The following SLC8A1 variants were observed in gnomAD, a reference collection of about 807,000 sequenced individuals.
The protein encoded by SLC8A1 is solute carrier family 8 member A1, also known as sodium/calcium exchanger 1.
SLC8A1 carries 18 observed loss-of-function variants against 68.3 expected under a neutral mutation model. The ratio of observed to expected loss-of-function variants is 0.26; its 90% CI spans 0.18 to 0.39. The LOEUF (loss-of-function observed/expected upper bound fraction) is 0.39. Among genes scored for constraint, SLC8A1 ranks in the 10% least tolerant of loss-of-function variants. The pLI is 1.00. For missense variants in SLC8A1, 985 were observed against 1,156.7 expected, an observed-to-expected ratio of 0.85 and a Z score of 2.15; for synonymous variants, 475 against 415.5, an observed-to-expected ratio of 1.14 and a Z score of -1.74.
chr2:40,122,618 G>A (rs1372983941), intron 7 of SLC8A1, among the ~76,000 whole-genome samples: 2 of 152,046 alleles, frequency 1.3e-5, no homozygotes, highest in African/African-American at 2.4e-5. Flanking sequence ...CTGCTTAATC[G>A]GCCTGAGATG....
At chr2:40,222,795 A>C (rs558752755) in intron 2 of SLC8A1, among the ~76,000 whole-genome samples, 1 of 152,260 alleles carries the variant, frequency 6.6e-6, no homozygotes, top group Non-Finnish European at 1.5e-5. Context: ...CATTAGAGAA[A>C]TGCAAATCAA....
At chr2:40,208,149 A>G (rs780188316) in intron 2 of SLC8A1, among the ~76,000 whole-genome samples, 9 of 152,128 alleles carry the variant, frequency 5.9e-5, no homozygotes, top group Non-Finnish European at 1.0e-4. Flanking sequence ...AAAGGGTGTT[A>G]GTAGTGTCCA....
chr2:40,321,186 A>G (rs1298943368), intron 2 of SLC8A1, among the ~76,000 whole-genome samples: 1 of 152,136 alleles, frequency 6.6e-6, no homozygotes, highest in Non-Finnish European at 1.5e-5. Flanking sequence ...TCTGTCGTAC[A>G]AATCCAACAG....
chr2:40,237,910 G>C lies in SLC8A1; in HGVS notation c.1809-60055C>G, dbSNP rs185070467. On this transcript the variant is annotated intron_variant, in intron 2 of 7. Transcript: ENST00000406785. ...CTGCTGGGGGGTGCCTCCCAGTTAG[G>C]CTGCTCGGGGGTCAGGGGTCAGGGA... is the stretch of plus-strand genomic sequence containing the variant. Among the ~76,000 whole-genome samples, 1,218 of 147,554 alleles carry C rather than the reference G, an allele frequency of 8.3e-3. 12 individuals carry two copies. Among genetic ancestry groups the C allele is most frequent in the African/African-American group, 0.029 (1,157 of 39,760 alleles).
At chr2:40,471,448 A>G (rs971200050) in intron 1 of SLC8A1, among the ~76,000 whole-genome samples, 1 of 152,146 alleles carries the variant, frequency 6.6e-6, no homozygotes, top group Non-Finnish European at 1.5e-5. Context: ...CTCATCCATC[A>G]ATGTCTAAAC....
intron 1 of SLC8A1, among the ~76,000 whole-genome samples, chr2:40,487,244 G>A (rs1483345385): frequency 1.3e-5 from 2 of 151,988 alleles, no homozygotes; most frequent in African/African-American, 4.8e-5. Context: ...GGTAAAATCG[G>A]TAAGATGTAG....
At chr2:40,462,623 C>G (rs1470947191) in intron 1 of SLC8A1, among the ~76,000 whole-genome samples, 1 of 151,310 alleles carries the variant, frequency 6.6e-6, no homozygotes. Flanking sequence ...GCCTGAGCAA[C>G]CTAGTGAGAA....
At chr2:40,361,912 T>G (rs1281023111) in intron 2 of SLC8A1, among the ~76,000 whole-genome samples, 1 of 132,900 alleles carries the variant, frequency 7.5e-6, no homozygotes, top group Non-Finnish European at 1.6e-5. Context: ...TTTTTTTTTT[T>G]TTTTTGGAGA....
intron 1 of SLC8A1, among the ~76,000 whole-genome samples, chr2:40,464,025 G>A (rs1233125423): frequency 2.0e-5 from 3 of 152,018 alleles, no homozygotes; most frequent in Non-Finnish European, 4.4e-5. Flanking sequence ...CTCCTGAGTA[G>A]CTGGGATTAC....
intron 2 of SLC8A1, among the ~76,000 whole-genome samples, chr2:40,210,590 G>A (rs2056405047): frequency 6.6e-6 from 1 of 152,182 alleles, no homozygotes; most frequent in Non-Finnish European, 1.5e-5. Flanking sequence ...GGCCCATTAA[G>A]TCATCTTAAA....
At chr2:40,428,737 A>C (rs1697545127) in exon 2 of SLC8A1, 1 of 1,613,740 alleles carries the variant, frequency 6.2e-7, no homozygotes, top group African/African-American at 1.3e-5. Context: ...AAGTGTAGAA[A>C]CATGATTGGC....
At chr2:40,204,993 A>G (rs558233971) in intron 2 of SLC8A1, among the ~76,000 whole-genome samples, 3 of 151,996 alleles carry the variant, frequency 2.0e-5, no homozygotes, top group African/African-American at 7.2e-5. Flanking sequence ...CTCATAATCT[A>G]TTTCAGGAGT....
chr2:40,221,098 A>G (rs1238591003), intron 2 of SLC8A1, among the ~76,000 whole-genome samples: 1 of 152,202 alleles, frequency 6.6e-6, no homozygotes, highest in East Asian at 1.9e-4. Flanking sequence ...TTTCAGGCCA[A>G]TATCCCTGAT....
exon 8 of SLC8A1, chr2:40,107,314 A>T (rs943152581): frequency 4.0e-5 from 6 of 151,062 alleles, no homozygotes; most frequent in Admixed American, 4.0e-4. Context: ...ATGCCGATTA[A>T]CAACAGGCAT....
intron 1 of SLC8A1, among the ~76,000 whole-genome samples, chr2:40,498,676 G>A (rs1335474884): frequency 6.6e-6 from 1 of 152,058 alleles, no homozygotes; most frequent in Non-Finnish European, 1.5e-5. Context: ...TAGTGAGTGG[G>A]TGATGTGCTG....
At chr2:40,250,522 G>GT (rs2062570582) in intron 2 of SLC8A1, 1 of 148,810 alleles carries the variant, frequency 6.7e-6, no homozygotes, top group African/African-American at 2.5e-5. Context: ...AAGTGCAAGC[G>GT]TGGGGGGGCG....
chr2:40,286,687 A>C (rs904566856), intron 2 of SLC8A1, among the ~76,000 whole-genome samples: 6 of 152,200 alleles, frequency 3.9e-5, no homozygotes, highest in Non-Finnish European at 7.3e-5. Context: ...TCCGGAGCTG[A>C]TGGACAGCTA....
chr2:40,281,321 G>A (rs1339251462), intron 2 of SLC8A1, among the ~76,000 whole-genome samples: 1 of 152,120 alleles, frequency 6.6e-6, no homozygotes, highest in Non-Finnish European at 1.5e-5. Context: ...AGAGAAATGG[G>A]AACTGTTTTC....
intron 2 of SLC8A1, among the ~76,000 whole-genome samples, chr2:40,315,105 G>C (rs1401076891): frequency 6.6e-6 from 1 of 151,954 alleles, no homozygotes; most frequent in Non-Finnish European, 1.5e-5. Flanking sequence ...TCATTGTTAA[G>C]TATGATGTTA....
Sources: allele counts gnomAD v4.1 joint callset (sites outside exome capture counted in the v4.1 genomes callset), GRCh38; gene constraint gnomAD v4.1.1; transcripts MANE v1.5; gene names NCBI Gene and HGNC (gene_info 2026-07-23, HGNC 2026-07-21).